Variants in ATM observed in about 807,000 individuals in gnomAD.
ATM encodes the protein serine-protein kinase ATM.
A neutral mutation model predicts 387.0 loss-of-function variants in ATM; 308 were observed. The observed-to-expected ratio is 0.80, with a 90% CI of 0.73 to 0.87. ATM has a LOEUF of 0.87. Ranked by LOEUF, ATM falls within the 40% of genes least tolerant of loss-of-function variation. The probability of loss-of-function intolerance (pLI) is 0.00; values close to 1 mark genes in which losing one functional copy is unlikely to be tolerated. For synonymous variants in ATM, 1,156 were observed against 1,187.3 expected, an observed-to-expected ratio of 0.97 and a Z score of 0.54; for missense variants, 3,312 against 3,560.9, an observed-to-expected ratio of 0.93 and a Z score of 1.78.
chr11:108,291,430 T>G (rs1267454598), intron 29 of ATM, among the ~76,000 whole-genome samples: 3 of 152,242 alleles, frequency 2.0e-5, no homozygotes, highest in Non-Finnish European at 4.4e-5. Flanking sequence ...TTTCCATTGT[T>G]GTGCAACCAT....
rs1591172641 is a variant in ATM at position 108,332,012 on chromosome 11, C to CT, written c.7764dup (p.Lys2589Ter). On this transcript the variant is annotated frameshift_variant, in exon 52 of 63. Coordinates refer to ENST00000675843, the MANE Select transcript of ATM (RefSeq NM_000051.4). LOFTEE classifies it high-confidence loss of function. Reference sequence around the variant, plus strand: ...AGAAGCAGAATAACTAAAAATGTGCCTAAACAAAGCTCTCAGCTTGATGAG... The same window carrying CT: ...AGAAGCAGAATAACTAAAAATGTGCCTTAAACAAAGCTCTCAGCTTGATGAG... 1 of 1,613,852 alleles carries CT rather than the reference C, an allele frequency of 6.2e-7. No homozygotes were observed. Among genetic ancestry groups the CT allele is most frequent in the Non-Finnish European group, 8.5e-7 (1 of 1,179,902 alleles).
Position 108,229,205 on chromosome 11 carries a change from A to G in ATM, c.213A>G (p.Glu71=). 1 of 1,613,196 alleles carries G rather than the reference A, an allele frequency of 6.2e-7. No homozygotes were observed. The highest frequency in any genetic ancestry group is 8.5e-7 in the Non-Finnish European group (1 of 1,179,554). Residue 71 remains glutamate (E), a synonymous_variant, in exon 4 of 63, where the codon GAA becomes GAG. Transcript: ENST00000675843. ...FRFLQKYIQK[E]TECLRIAKPN... is the part of the protein sequence containing the mutation. The stretch of plus-strand genomic sequence containing the variant: ...TTTTACAGAAATATATTCAGAAAGA[A>G]ACAGAATGTCTGAGAATAGCAAAAC...
At chr11:108,244,652 A>G (rs2079741839) in intron 6 of ATM, 136 bp from the exon 7 acceptor site, 1 of 763,784 alleles carries the variant, frequency 1.3e-6, no homozygotes, top group Admixed American at 2.2e-5. Flanking sequence ...TTTAATGAAT[A>G]GTTTTGAAAT....
At chr11:108,235,543 T>C in intron 4 of ATM, 127 bp from the exon 5 acceptor site, 1 of 927,280 alleles carries the variant, frequency 1.1e-6, no homozygotes, top group Non-Finnish European at 1.6e-6. Context: ...ATTTGCCAAT[T>C]TCTTCTCTAC....
chr11:108,224,026 T>C (rs1352642862), intron 1 of ATM: 2 of 152,190 alleles, frequency 1.3e-5, no homozygotes, highest in Non-Finnish European at 1.5e-5. Flanking sequence ...AGAAGAGATA[T>C]CAGGAGACTT....
At chr11:108,261,274 C>A (rs916096521) in intron 16 of ATM, among the ~76,000 whole-genome samples, 2 of 152,208 alleles carry the variant, frequency 1.3e-5, no homozygotes, top group Admixed American at 1.3e-4. Context: ...TCCCAGCACA[C>A]AGCTGGAGAT....
chr11:108,295,098 T>A (rs1201893827), intron 32 of ATM, 39 bp downstream of exon 32: 11 of 1,612,144 alleles, frequency 6.8e-6, no homozygotes, highest in Non-Finnish European at 8.5e-6. Context: ...TCTACCTGTT[T>A]CTTTTTGAAA....
At chr11:108,362,990 CA>C (rs895050205) in intron 61 of ATM, among the ~76,000 whole-genome samples, 13 of 151,562 alleles carry the variant, frequency 8.6e-5, no homozygotes, top group Admixed American at 2.0e-4. Context: ...AACAAACAAA[CA>C]AAAAAAACAC....
intron 43 of ATM, 125 bp downstream of exon 43, chr11:108,317,646 T>TAC (rs1308746336): frequency 7.7e-5 from 11 of 141,962 alleles, no homozygotes; most frequent in Middle Eastern, 3.1e-3. Flanking sequence ...TATATATATA[T>TAC]ATATATACAC....
intron 4 of ATM, chr11:108,230,566 A>G (rs1363386212): frequency 6.6e-6 from 1 of 152,072 alleles, no homozygotes; most frequent in African/African-American, 2.4e-5. Flanking sequence ...AAAGTTCATA[A>G]TCTCACTTTC....
In ATM at chr11:108,343,376, G is replaced by A. The variant is rs1305740166; in HGVS notation, c.8418+5G>A. The A allele has an allele frequency of 1.2e-6, 2 of 1,613,722 alleles. No individual in the cohort carries two copies. Among genetic ancestry groups the A allele is most frequent in the Admixed American group, 3.3e-5 (2 of 59,978 alleles). On this transcript the variant is annotated splice_donor_5th_base_variant and intron_variant, in intron 57 of 62. Transcript: ENST00000675843. ...CAGTGCCAAAAGAAAATGATGGTGAGTGACACCCAAAATTAAAGGTTATTG... is the reference window on the plus strand; with the variant it reads ...CAGTGCCAAAAGAAAATGATGGTGAATGACACCCAAAATTAAAGGTTATTG...
intron 10 of ATM, 91 bp from the exon 11 acceptor site, chr11:108,251,746 C>T (rs2080156809): frequency 8.0e-7 from 1 of 1,252,952 alleles, no homozygotes; most frequent in Non-Finnish European, 1.2e-6. Flanking sequence ...GTCACCTTAA[C>T]TAAATGTATG....
chr11:108,310,781 CTAAT>C lies in ATM; in HGVS notation c.5918+470_5918+473del, dbSNP rs1054835802. On this transcript the variant is annotated intron_variant, in intron 39 of 62. Coordinates refer to ENST00000675843, the MANE Select transcript of ATM (RefSeq NM_000051.4). ...TAATGTGACTGATTTATTTCTGTGA[CTAAT>C]TAAGTTTCATTTCTTTATCTACCTA... Among the ~76,000 whole-genome samples, 12 of 152,124 alleles carry C rather than the reference CTAAT, an allele frequency of 7.9e-5. 1 individual carries two copies. In the East Asian group the frequency reaches 2.1e-3, roughly 27 times the overall value.
At chr11:108,340,864 G>A (rs543085270) in intron 56 of ATM, among the ~76,000 whole-genome samples, 2 of 152,132 alleles carry the variant, frequency 1.3e-5, no homozygotes, top group African/African-American at 4.8e-5. Flanking sequence ...CTTATATAGT[G>A]TAAATGCTGT....
At chr11:108,348,250 G>T (rs1232888041) in intron 59 of ATM, among the ~76,000 whole-genome samples, 1 of 151,528 alleles carries the variant, frequency 6.6e-6, no homozygotes, top group Non-Finnish European at 1.5e-5. Context: ...TAATATAAAA[G>T]AAAGAGAATA....
At chr11:108,297,968 G>T (rs4988020) in intron 33 of ATM, among the ~76,000 whole-genome samples, 1 of 152,112 alleles carries the variant, frequency 6.6e-6, no homozygotes, top group Non-Finnish European at 1.5e-5. Context: ...ATTGACTGCC[G>T]ATATATTTTA....
In ATM at chr11:108,330,194, C is replaced by T. The variant is rs778603753; in HGVS notation, c.7308-20C>T. 6.2e-7 allele frequency: 1 copy of T among 1,608,372 alleles called. No homozygotes were observed. The highest frequency in any genetic ancestry group is 8.5e-7 in the Non-Finnish European group (1 of 1,175,644). ...TAAAGTTCATGGCTTTTGTGTTTTA[C>T]CTTAATTATTCTATGCAAGATACAC... On this transcript the variant is annotated intron_variant, in intron 49 of 62. Transcript: ENST00000675843.
chr11:108,317,652 T>TATATATATATATATACACAC, intron 43 of ATM, 131 bp downstream of exon 43: 1 of 117,458 alleles, frequency 8.5e-6, no homozygotes, highest in African/African-American at 5.1e-5. Context: ...TATATATATA[T>TATATATATATATATACACAC]ACACACACAC....
At position 108,254,028 on chromosome 11, in the gene ATM, T is replaced by TA. The variant is rs2080317430; in HGVS notation, c.2114dup (p.Tyr705Ter). ...LGLSEQLLNN[Y>*]SSEITNSETL... ...ATTATCAGAACAGCTTCTGAATAAT[T>TA]ACTCATCTGAGGTGAGATTTTTTAA... The change falls in exon 13 of 63, where the codon TAC becomes TAAC. Residue 705 changes from tyrosine to a stop codon, truncating the protein, a stop_gained and frameshift_variant. Transcript: ENST00000675843. LOFTEE classifies it high-confidence loss of function. 6.2e-7 allele frequency: 1 copy of TA among 1,613,676 alleles called. No homozygotes were observed. Among genetic ancestry groups the TA allele is most frequent in the Non-Finnish European group, 8.5e-7 (1 of 1,179,858 alleles).
Sources: allele counts gnomAD v4.1 joint callset (sites outside exome capture counted in the v4.1 genomes callset), GRCh38; gene constraint gnomAD v4.1.1; transcripts MANE v1.5; gene names NCBI Gene and HGNC (gene_info 2026-07-23, HGNC 2026-07-21).